XKR6: variants seen among roughly 807,000 people sequenced by gnomAD.
The protein encoded by XKR6 is XK-related protein 6.
In XKR6, 22 loss-of-function variants were observed where a neutral mutation model predicts 56.7. The ratio of observed to expected loss-of-function variants is 0.39; its 90% CI spans 0.28 to 0.55. The LOEUF (loss-of-function observed/expected upper bound fraction) is 0.55, where lower values mean the gene tolerates loss of function less well. Among genes scored for constraint, XKR6 ranks in the 20% least tolerant of loss-of-function variants. XKR6 has a pLI of 0.66. For missense variants in XKR6, 852 were observed against 889.0 expected, an observed-to-expected ratio of 0.96 and a Z score of 0.53; for synonymous variants, 524 against 387.8, an observed-to-expected ratio of 1.35 and a Z score of -4.13.
intron 1 of XKR6, among the ~76,000 whole-genome samples, chr8:11,157,328 C>T (rs1421114182): frequency 6.6e-6 from 1 of 152,144 alleles, no homozygotes; most frequent in Non-Finnish European, 1.5e-5. Context: ...GGGTATAATA[C>T]TAACATACCA....
chr8:11,019,264 C>G (rs1165832121), intron 1 of XKR6, among the ~76,000 whole-genome samples: 1 of 152,188 alleles, frequency 6.6e-6, no homozygotes, highest in Non-Finnish European at 1.5e-5. Flanking sequence ...TCCCTCTCCT[C>G]TCTGACTTGC....
At chr8:10,956,570 C>T in intron 1 of XKR6, among the ~76,000 whole-genome samples, 1 of 152,182 alleles carries the variant, frequency 6.6e-6, no homozygotes, top group African/African-American at 2.4e-5. Context: ...ACTCAGATAC[C>T]ACTGGAAAGA....
intron 1 of XKR6, among the ~76,000 whole-genome samples, chr8:11,054,720 A>C (rs1002538510): frequency 2.0e-5 from 3 of 152,148 alleles, no homozygotes; most frequent in Non-Finnish European, 4.4e-5. Context: ...GTGGGTGGGA[A>C]GGAGGAAGGA....
In XKR6 at chr8:10,954,304, T is replaced by G. The variant is rs541619970; in HGVS notation, c.765-29474A>C. Among the ~76,000 whole-genome samples the G allele has an allele frequency of 3.3e-5, 5 of 152,366 alleles. No homozygotes were observed. In the East Asian group the frequency reaches 9.6e-4, roughly 29 times the overall value. On this transcript the variant is annotated intron_variant, in intron 1 of 2. Transcript: ENST00000416569. ...CAAACAATGCAATGAGCGTTCCAAT[T>G]TCTGCACATCCTTGTCAACACTTGT...
At chr8:11,098,552 C>T (rs1798347207) in intron 1 of XKR6, among the ~76,000 whole-genome samples, 1 of 152,184 alleles carries the variant, frequency 6.6e-6, no homozygotes, top group Non-Finnish European at 1.5e-5. Context: ...CTCATCAGAA[C>T]TATGCCGAAA....
intron 2 of XKR6, among the ~76,000 whole-genome samples, chr8:10,909,410 T>C (rs1235295839): frequency 6.6e-6 from 1 of 152,188 alleles, no homozygotes; most frequent in African/African-American, 2.4e-5. Flanking sequence ...TTCTTGCTTT[T>C]TTTCCACCAT....
At chr8:11,132,351 CTTTT>C (rs1563161199) in intron 1 of XKR6, among the ~76,000 whole-genome samples, 2 of 151,760 alleles carry the variant, frequency 1.3e-5, no homozygotes, top group East Asian at 1.9e-4. Flanking sequence ...TACTTTCTTT[CTTTT>C]TCTTTTTCTT....
chr8:11,149,461 A>G (rs1205569487), intron 1 of XKR6, among the ~76,000 whole-genome samples: 1 of 152,248 alleles, frequency 6.6e-6, no homozygotes, highest in East Asian at 1.9e-4. Flanking sequence ...CTCTAATTCA[A>G]AACATCAGAT....
intron 1 of XKR6, among the ~76,000 whole-genome samples, chr8:11,008,382 C>G (rs899960533): frequency 1.3e-5 from 2 of 150,698 alleles, no homozygotes; most frequent in African/African-American, 4.9e-5. Flanking sequence ...CCCTCTTCCT[C>G]AGGCTGGACG....
intron 1 of XKR6, among the ~76,000 whole-genome samples, chr8:11,143,667 T>C (rs1800821911): frequency 6.6e-6 from 1 of 152,116 alleles, no homozygotes. Flanking sequence ...AGAAGAGTGG[T>C]TACTTTGGAG....
chr8:10,985,886 A>G (rs1797852136), intron 1 of XKR6, among the ~76,000 whole-genome samples: 1 of 152,228 alleles, frequency 6.6e-6, no homozygotes, highest in African/African-American at 2.4e-5. Context: ...GATTACAGGC[A>G]TGAGCCACTG....
chr8:11,104,426 C>T (rs536273943), intron 1 of XKR6, among the ~76,000 whole-genome samples: 1 of 152,310 alleles, frequency 6.6e-6, no homozygotes, highest in East Asian at 1.9e-4. Flanking sequence ...GGCACTCAAT[C>T]GGGCGAGATA....
At position 10,951,518 on chromosome 8, in the gene XKR6, A is replaced by G. The variant is rs146968205; in HGVS notation, c.765-26688T>C. 5.4e-3 allele frequency among the ~76,000 whole-genome samples: 824 copies of G among 152,350 alleles called. 5 individuals are homozygous for G. The highest frequency in any genetic ancestry group is 0.01 in the Non-Finnish European group (699 of 68,022). On this transcript the variant is annotated intron_variant, in intron 1 of 2. Transcript: ENST00000416569. Reference sequence around the variant, plus strand: ...GTCCCAAACAGCAGCAGTGGCTACCAGTCTGTTTCACACTGCGTGGCTTCT... The same window carrying G: ...GTCCCAAACAGCAGCAGTGGCTACCGGTCTGTTTCACACTGCGTGGCTTCT...
At chr8:11,076,711 G>A (rs547796053) in intron 1 of XKR6, among the ~76,000 whole-genome samples, 75 of 152,358 alleles carry the variant, frequency 4.9e-4, no homozygotes, top group Admixed American at 1.6e-3. Context: ...AGTCCAGCCA[G>A]GATCCGGGGC....
chr8:11,042,247 T>TA (rs1043821673), intron 1 of XKR6, among the ~76,000 whole-genome samples: 7 of 151,522 alleles, frequency 4.6e-5, no homozygotes, highest in Non-Finnish European at 7.4e-5. Flanking sequence ...TTTTTTTTTT[T>TA]ATCTTGAAAT....
chr8:11,054,663 C>T (rs1305110503), intron 1 of XKR6, among the ~76,000 whole-genome samples: 2 of 152,254 alleles, frequency 1.3e-5, no homozygotes, highest in Non-Finnish European at 2.9e-5. Flanking sequence ...AACCCAATTC[C>T]TGCCCCCATT....
chr8:10,989,419 T>C (rs1287572652), intron 1 of XKR6, among the ~76,000 whole-genome samples: 2 of 152,138 alleles, frequency 1.3e-5, no homozygotes. Flanking sequence ...TCACAAACCA[T>C]ATGAGACCCG....
intron 1 of XKR6, among the ~76,000 whole-genome samples, chr8:11,004,496 T>C (rs900206074): frequency 1.3e-5 from 2 of 151,534 alleles, no homozygotes; most frequent in Non-Finnish European, 2.9e-5. Context: ...AATAAATAAA[T>C]AAAAAATAAA....
At chr8:11,095,010 A>G (rs764836735) in intron 1 of XKR6, among the ~76,000 whole-genome samples, 1 of 152,232 alleles carries the variant, frequency 6.6e-6, no homozygotes, top group Non-Finnish European at 1.5e-5. Flanking sequence ...ACAAACCTGC[A>G]CATCCTGCAC....
Sources: gnomAD v4.1 joint callset for allele counts (sites outside exome capture counted in the v4.1 genomes callset) on GRCh38, gnomAD v4.1.1 for gene constraint, MANE v1.5 for transcripts, NCBI Gene and HGNC (gene_info 2026-07-23, HGNC 2026-07-21) for gene names.